Variants in SMC1B observed in about 807,000 individuals in gnomAD.
SMC1B encodes the protein structural maintenance of chromosomes protein 1B.
SMC1B carries 60 observed loss-of-function variants against 157.9 expected under a neutral mutation model. That is an observed-to-expected ratio of 0.38 (90% confidence interval 0.31 to 0.47). The LOEUF is 0.47. Ranked by LOEUF, SMC1B falls within the 20% of genes least tolerant of loss-of-function variation. SMC1B has a pLI of 0.99. For missense variants in SMC1B, 1,165 were observed against 1,426.2 expected (o/e 0.82, Z 2.95); for synonymous variants, 445 against 483.0 (o/e 0.92, Z 1.03).
intron 18 of SMC1B, 131 bp downstream of exon 18, chr22:45,359,674 G>A: frequency 1.2e-6 from 1 of 860,206 alleles, no homozygotes; most frequent in East Asian, 2.7e-5. Context: ...CAGTCATTTT[G>A]CCCTTTTTCC....
chr22:45,374,697 A>T (rs1001744888), intron 12 of SMC1B, among the ~76,000 whole-genome samples: 2 of 152,220 alleles, frequency 1.3e-5, no homozygotes, highest in African/African-American at 2.4e-5. Context: ...CTGAAGCTAC[A>T]CAACTTAAAC....
chr22:45,393,273 A>G (rs550267621), intron 9 of SMC1B, among the ~76,000 whole-genome samples: 1 of 152,336 alleles, frequency 6.6e-6, no homozygotes, highest in African/African-American at 2.4e-5. Context: ...AATATTTCAA[A>G]AACAAATAAA....
At chr22:45,378,081 G>A (rs136580) in intron 12 of SMC1B, among the ~76,000 whole-genome samples, 94,487 of 151,858 alleles carry the variant, frequency 0.62, 31,977 homozygotes, top group African/African-American at 0.9. Flanking sequence ...ATTTTTTTTA[G>A]AGTGACTAAT....
intron 18 of SMC1B, 48 bp from the exon 19 acceptor site, chr22:45,358,843 T>C (rs762480867): frequency 7.2e-7 from 1 of 1,380,854 alleles, no homozygotes; most frequent in South Asian, 1.2e-5. Context: ...TTTGTTGTCT[T>C]ATATGGGAGT....
In SMC1B at chr22:45,389,569, A is replaced by T. The variant is rs2087032976; in HGVS notation, c.1731+143T>A. On this transcript the variant is annotated intron_variant, in intron 10 of 24. Transcript: ENST00000357450. ...TTATTCTTTGCTTGCCAATATATTT[A>T]ACACCAGCCATTAAAATGATTGCCT... 5 of 649,962 alleles carry T rather than the reference A, an allele frequency of 7.7e-6. No homozygotes were observed. The South Asian group carries it at 1.0e-4, about 13-fold the overall frequency. The allele number at this position is 649,962 out of a possible 1,614,324, so 40.3% of individuals were successfully genotyped here.
rs1173643068 is a variant in SMC1B at position 45,372,175 on chromosome 22, G to T, written c.2176C>A (p.His726Asn). 1 of 1,608,386 alleles carries T rather than the reference G, an allele frequency of 6.2e-7. No individual in the cohort carries two copies. The highest frequency in any genetic ancestry group is 8.5e-7 in the Non-Finnish European group (1 of 1,178,042). Residue 726 changes from histidine to asparagine, a missense_variant, in exon 13 of 25, where the codon CAC (histidine) becomes AAC (asparagine). By Grantham distance (68) the His-to-Asn change is moderately conservative. Transcript: ENST00000357450. ...ATTACCTGGTAAAAAGCAACAAGGTGCTTCTTCTTAATCATCTCTAGTTCA... is the reference window on the plus strand; with the variant it reads ...ATTACCTGGTAAAAAGCAACAAGGTTCTTCTTCTTAATCATCTCTAGTTCA... ...QNELEMIKKK[H>N]LVAFYQEQSQ...
intron 15 of SMC1B, among the ~76,000 whole-genome samples, chr22:45,368,517 G>GTTTTT (rs964475686): frequency 1.4e-5 from 2 of 138,622 alleles, no homozygotes; most frequent in Non-Finnish European, 1.6e-5. Flanking sequence ...TTCTGAAATA[G>GTTTTT]TTTTTTTTTT....
At chr22:45,391,064 CTTT>C (rs136600) in intron 9 of SMC1B, among the ~76,000 whole-genome samples, 1 of 142,708 alleles carries the variant, frequency 7.0e-6, no homozygotes, top group Non-Finnish European at 1.5e-5. Flanking sequence ...TATTTGCTAC[CTTT>C]TTTTTTTTTT....
At chr22:45,366,119 G>A (rs923334457) in intron 15 of SMC1B, among the ~76,000 whole-genome samples, 3 of 152,124 alleles carry the variant, frequency 2.0e-5, no homozygotes, top group Non-Finnish European at 4.4e-5. Context: ...TGCCTCCCAG[G>A]TTCAAGCAAT....
rs377659447 is a variant in SMC1B at position 45,372,224 on chromosome 22, T to G, written c.2127A>C (p.Gln709His). Residue 709 changes from glutamine to histidine, a missense_variant, in exon 13 of 25, where the codon CAA becomes CAC. Physicochemically the swap from Gln to His is conservative, Grantham distance 24. Transcript: ENST00000357450. ...KQIQTLIQGT[Q>H]TRLKYSQNEL... ...CATTTTGTGAATATTTGAGTCGTGTTTGAGTTCCCTGTATCAGGGTCTGTA... is the reference window on the plus strand; with the variant it reads ...CATTTTGTGAATATTTGAGTCGTGTGTGAGTTCCCTGTATCAGGGTCTGTA... 6.2e-7 allele frequency: 1 copy of G among 1,612,684 alleles called. No homozygotes were observed. Among genetic ancestry groups the G allele is most frequent in the Non-Finnish European group, 8.5e-7 (1 of 1,179,344 alleles).
rs567017725 is a variant in SMC1B, at chr22:45,413,583, G to C, written c.-16C>G. 1.0e-5 allele frequency: 16 copies of C among 1,585,400 alleles called. No individual in the cohort carries two copies. The Admixed American group carries it at 2.7e-4, about 26-fold the overall frequency. On this transcript the variant is annotated 5_prime_UTR_variant, in exon 1 of 25. Coordinates refer to ENST00000357450, the MANE Select transcript of SMC1B (RefSeq NM_148674.5). ...GGTGGGCCATGGCGCCGCCCTCCACGCCTCACCCGCGTTATCAAGCGCCCG... is the reference window on the plus strand; with the variant it reads ...GGTGGGCCATGGCGCCGCCCTCCACCCCTCACCCGCGTTATCAAGCGCCCG...
intron 16 of SMC1B, 79 bp from the exon 17 acceptor site, chr22:45,362,063 C>T: frequency 7.2e-7 from 1 of 1,392,520 alleles, no homozygotes; most frequent in Non-Finnish European, 9.8e-7. Flanking sequence ...TCAATAACAC[C>T]AAACCAGTTA....
In SMC1B at chr22:45,353,921, C is replaced by CAAAAAAAAAAA. The variant is rs1184241879; in HGVS notation, c.3273+56_3273+57insTTTTTTTTTTT. ...AAAAAAAAAAAAAAAAAAAAAAAAA[C>CAAAAAAAAAAA]AACCACCACCGGTAACACAGAATTC... On this transcript the variant is annotated intron_variant, in intron 21 of 24. Coordinates refer to ENST00000357450, the MANE Select transcript of SMC1B (RefSeq NM_148674.5). The CAAAAAAAAAAA allele has an allele frequency of 1.0e-5, 4 of 400,406 alleles. 1 individual carries two copies. The highest frequency in any genetic ancestry group is 1.5e-5 in the Non-Finnish European group (4 of 271,334). The allele number at this position is 400,406 out of a possible 1,614,324, so 24.8% of individuals were successfully genotyped here. A position where few individuals can be genotyped will look rare whatever the true frequency, so the allele number is the denominator to read the frequency against.
Position 45,387,150 on chromosome 22 carries a change from A to T in SMC1B, c.1732-104T>A, listed in dbSNP as rs529845812. 5.2e-5 allele frequency: 53 copies of T among 1,020,312 alleles called. No homozygotes were observed. The African/African-American group carries it at 7.8e-4, about 15-fold the overall frequency. The allele number at this position is 1,020,312 out of a possible 1,614,324, so 63.2% of individuals were successfully genotyped here. On this transcript the variant is annotated intron_variant, in intron 10 of 24. Coordinates refer to ENST00000357450, the MANE Select transcript of SMC1B (RefSeq NM_148674.5). ...ACATATATACGCATGGCAGCAAAAG[A>T]TCAACAGTATGTACCCAGCCAGGCG...
intron 16 of SMC1B, among the ~76,000 whole-genome samples, chr22:45,362,679 G>A (rs73889903): frequency 4.1e-3 from 631 of 152,218 alleles, no homozygotes; most frequent in African/African-American, 0.014. Context: ...TAGAACTAAG[G>A]AGTCATCTGT....
chr22:45,392,285 T>A (rs1282049673), intron 9 of SMC1B, among the ~76,000 whole-genome samples: 2 of 152,142 alleles, frequency 1.3e-5, no homozygotes, highest in Admixed American at 6.5e-5. Flanking sequence ...AGGAAACACA[T>A]ACATGTGAGT....
chr22:45,404,558 T>C (rs972587668), intron 4 of SMC1B, among the ~76,000 whole-genome samples: 1 of 152,232 alleles, frequency 6.6e-6, no homozygotes, highest in Admixed American at 6.5e-5. Context: ...AGGCTTCCTG[T>C]GCATAACAAG....
chr22:45,394,763 T>C lies in SMC1B; in HGVS notation c.1259A>G (p.Asn420Ser). The C allele has an allele frequency of 2.0e-6, 3 of 1,536,546 alleles. No individual in the cohort carries two copies. Among genetic ancestry groups the C allele is most frequent in the Non-Finnish European group, 2.6e-6 (3 of 1,135,910 alleles). Residue 420 changes from asparagine (N) to serine (S), a missense_variant, in exon 8 of 25, where the codon AAT becomes AGT. Asn to Ser is a conservative substitution (Grantham distance 46). Coordinates refer to ENST00000357450, the MANE Select transcript of SMC1B (RefSeq NM_148674.5). ...EKRRHGEVQG[N>S]LKQIKEQIED... ...TATTTGTTCTTTTATTTGTTTTAGA[T>C]TTCCCTAAAAGAGGAAATAAAATCT...
rs756586282 is a variant in SMC1B, at chr22:45,399,361, G to A, written c.855-8C>T. The A allele has an allele frequency of 1.0e-5, 16 of 1,575,556 alleles. No homozygotes were observed. Among genetic ancestry groups the A allele is most frequent in the African/African-American group, 2.8e-5 (2 of 72,554 alleles). On this transcript the variant is annotated splice_region_variant and splice_polypyrimidine_tract_variant and intron_variant, in intron 5 of 24. Transcript: ENST00000357450. ...AAAAGGGTTTCAACCGATCTGAAAA[G>A]GGAAAAATGTTTGCTTTAAAGAAAA...
Sources: gnomAD v4.1 joint callset for allele counts (sites outside exome capture counted in the v4.1 genomes callset) on GRCh38, gnomAD v4.1.1 for gene constraint, MANE v1.5 for transcripts, NCBI Gene and HGNC (gene_info 2026-07-23, HGNC 2026-07-21) for gene names.